Variants in TRIM37 observed in about 807,000 individuals in gnomAD.
The protein encoded by TRIM37 is E3 ubiquitin-protein ligase TRIM37.
TRIM37 carries 80 observed loss-of-function variants against 129.8 expected under a neutral mutation model. The ratio of observed to expected loss-of-function variants is 0.62; its 90% CI spans 0.51 to 0.74. The LOEUF (loss-of-function observed/expected upper bound fraction) is 0.74. Among genes scored for constraint, TRIM37 ranks in the 30% least tolerant of loss-of-function variants. TRIM37 has a pLI of 0.00. For synonymous variants in TRIM37, 389 were observed against 387.1 expected, an observed-to-expected ratio of 1.00 and a Z score of -0.06; for missense variants, 1,054 against 1,176.5, an observed-to-expected ratio of 0.90 and a Z score of 1.52.
chr17:58,977,461 TAATG>T, the TRIM37 span, among the ~76,000 whole-genome samples: 4 of 144,580 alleles, frequency 2.8e-5, no homozygotes, highest in East Asian at 4.1e-4. Flanking sequence ...AAAAAAGAAA[TAATG>T]AATGAATGAA....
intron 1 of TRIM37, 84 bp from the exon 2 acceptor site, chr17:59,104,478 T>C: frequency 8.2e-7 from 1 of 1,214,312 alleles, no homozygotes; most frequent in Non-Finnish European, 1.2e-6. Context: ...ACTTGACATT[T>C]ACATTTATTT....
intron 3 of TRIM37, among the ~76,000 whole-genome samples, chr17:59,089,757 TC>T (rs998926502): frequency 1.3e-5 from 2 of 152,202 alleles, no homozygotes; most frequent in African/African-American, 4.8e-5. Flanking sequence ...TAGAACACTT[TC>T]ATCATTATAA....
At chr17:58,997,121 T>C (rs2033089921), downstream of TRIM37, among the ~76,000 whole-genome samples, 1 of 152,142 alleles carries the variant, frequency 6.6e-6, no homozygotes, top group Non-Finnish European at 1.5e-5. Flanking sequence ...GTGAAATAAC[T>C]GGTGCGATCT....
intron 4 of TRIM37, among the ~76,000 whole-genome samples, chr17:59,084,628 A>T (rs2147133947): frequency 6.6e-6 from 1 of 152,358 alleles, no homozygotes; most frequent in Middle Eastern, 3.4e-3. Flanking sequence ...TTATGGATTA[A>T]CTATGTCCCC....
intron 2 of TRIM37, 25 bp downstream of exon 2, chr17:59,104,268 G>A (rs1476756754): frequency 6.4e-7 from 1 of 1,566,042 alleles, no homozygotes; most frequent in Non-Finnish European, 8.8e-7. Context: ...TATACTAACT[G>A]CATGTAAAAA....
At chr17:59,044,332 C>A (rs1047440844) in intron 16 of TRIM37, among the ~76,000 whole-genome samples, 3 of 151,696 alleles carry the variant, frequency 2.0e-5, no homozygotes, top group Non-Finnish European at 2.9e-5. Flanking sequence ...CGGCCGGGTG[C>A]TGTGGCTCAC....
chr17:58,976,256 T>G, the TRIM37 span, among the ~76,000 whole-genome samples: 3 of 152,080 alleles, frequency 2.0e-5, no homozygotes, highest in East Asian at 3.9e-4. Flanking sequence ...GAGAAAATGG[T>G]AGCTGATATG....
intron 1 of TRIM37, among the ~76,000 whole-genome samples, chr17:59,105,091 C>CAAA (rs35249068): frequency 2.5e-4 from 31 of 122,640 alleles, no homozygotes; most frequent in Admixed American, 2.4e-3. Context: ...GATTCTGTCT[C>CAAA]AAAAAAAAAA....
chr17:59,000,512 A>G (rs2033573620), intron 23 of TRIM37, among the ~76,000 whole-genome samples: 1 of 152,014 alleles, frequency 6.6e-6, no homozygotes, highest in African/African-American at 2.4e-5. Context: ...GAGGTGGGAG[A>G]ATTGCTTGAA....
intron 22 of TRIM37, 101 bp downstream of exon 22, chr17:59,012,227 G>GCAGCAGCAGCAGCAGCACCACCAC (rs72443487): frequency 1.8e-4 from 113 of 611,914 alleles, no homozygotes; most frequent in Middle Eastern, 5.9e-4. Context: ...AGCAGCAGCA[G>GCAGCAGCAGCAGCAGCACCACCAC]CACCACCACC....
chr17:59,064,520 G>T (rs1448478495), intron 9 of TRIM37, 115 bp from the exon 10 acceptor site: 1 of 698,680 alleles, frequency 1.4e-6, no homozygotes, highest in Non-Finnish European at 2.5e-6. Context: ...TAAAATCTAA[G>T]AAATATTTTT....
Position 59,070,891 on chromosome 17 carries a change from C to T in TRIM37, c.741G>A (p.Met247Ile). The change falls in exon 9 of 24, where the codon ATG becomes ATA. Residue 247 changes from methionine to isoleucine, a missense_variant. This residue lies in a region of TRIM37 where 752 missense variants were observed against 870.8 expected (regional missense o/e 0.86). Coordinates refer to ENST00000262294, the MANE Select transcript of TRIM37 (RefSeq NM_015294.6). Reference protein sequence around the residue: ...LISKSSEILMMFQQVHRKPMA... With the variant: ...LISKSSEILMIFQQVHRKPMA... Reference sequence around the variant, plus strand: ...TGGGCTTCCGATGAACTTGCTGAAACATCATAAGGATCTCTGAGCTCTTAG... The same window carrying T: ...TGGGCTTCCGATGAACTTGCTGAAATATCATAAGGATCTCTGAGCTCTTAG... 1 of 1,613,984 alleles carries T rather than the reference C, an allele frequency of 6.2e-7. No individual in the cohort carries two copies. The highest frequency in any genetic ancestry group is 1.1e-5 in the South Asian group (1 of 91,076).
chr17:58,971,712 C>T, the TRIM37 span, among the ~76,000 whole-genome samples: 5 of 152,078 alleles, frequency 3.3e-5, no homozygotes, highest in African/African-American at 1.2e-4. Context: ...TGAACAAATA[C>T]GATGTCAGTA....
chr17:59,014,767 C>T (rs1208488314), intron 21 of TRIM37, among the ~76,000 whole-genome samples: 1 of 149,904 alleles, frequency 6.7e-6, no homozygotes, highest in Non-Finnish European at 1.5e-5. Context: ...TACAAATTTA[C>T]AAGGCAGAGT....
At chr17:58,982,838 A>T (rs554157252) in exon 25 of TRIM37, 2 of 1,416,312 alleles carry the variant, frequency 1.4e-6, no homozygotes, top group East Asian at 4.9e-5. Context: ...TGCCCCACAC[A>T]TGGTCCTCAC....
intron 8 of TRIM37, among the ~76,000 whole-genome samples, chr17:59,072,266 C>A (rs1244365870): frequency 6.6e-6 from 1 of 152,130 alleles, no homozygotes; most frequent in African/African-American, 2.4e-5. Flanking sequence ...CCCTAGAATA[C>A]TGAGAAAACA....
rs1467761287 is a variant in TRIM37 at position 59,062,603 on chromosome 17, T to G, written c.906A>C (p.Gln302His). ...RADPVYSPPL[Q>H]VSGLCWRLKV... ...TTAACCTCCAGCAAAGTCCTGAAAC[T>G]TGAAGAGGTGGACTGTAAACAGGAT... Residue 302 changes from glutamine (Q) to histidine (H), a missense_variant, in exon 11 of 24, where the codon CAA becomes CAC. Physicochemically the swap from Gln to His is conservative, Grantham distance 24 (BLOSUM62 0). This residue lies in a region of TRIM37 where 752 missense variants were observed against 870.8 expected (regional missense o/e 0.86). Transcript: ENST00000262294. The G allele has an allele frequency of 7.4e-6, 12 of 1,613,920 alleles. No individual in the cohort carries two copies. The African/African-American group carries it at 1.6e-4, about 22-fold the overall frequency.
At chr17:59,011,645 C>T (rs1239986769) in intron 22 of TRIM37, among the ~76,000 whole-genome samples, 1 of 152,168 alleles carries the variant, frequency 6.6e-6, no homozygotes, top group African/African-American at 2.4e-5. Context: ...TCTGTTGCCC[C>T]AAATTGCAAA....
intron 14 of TRIM37, among the ~76,000 whole-genome samples, chr17:59,050,849 A>G (rs932076998): frequency 6.6e-6 from 1 of 151,926 alleles, no homozygotes; most frequent in African/African-American, 2.4e-5. Flanking sequence ...GTGTGGTGGC[A>G]GGCGCCTGTA....
Sources: allele counts gnomAD v4.1 joint callset (sites outside exome capture counted in the v4.1 genomes callset), GRCh38; gene constraint gnomAD v4.1.1; regional missense constraint gnomAD v4.1.1; transcripts MANE v1.5; gene names NCBI Gene and HGNC (gene_info 2026-07-23, HGNC 2026-07-21).